CDH18: variants seen among roughly 807,000 people sequenced by gnomAD.
The protein encoded by CDH18 is cadherin 18, also known as cadherin-18.
Under a neutral mutation model 67.9 loss-of-function variants are expected in CDH18, and 31 were observed. That is an observed-to-expected ratio of 0.46 (90% CI 0.34 to 0.62). The LOEUF is 0.62. Among genes scored for constraint, CDH18 ranks in the 20% least tolerant of loss-of-function variants. The probability of loss-of-function intolerance (pLI) is 0.01; values close to 1 mark genes in which losing one functional copy is unlikely to be tolerated. For synonymous variants in CDH18, 362 were observed against 347.2 expected (o/e 1.04, Z -0.48); for missense variants, 890 against 975.5 (o/e 0.91, Z 1.17).
intron 1 of CDH18, among the ~76,000 whole-genome samples, chr5:20,424,549 C>T (rs1032479715): frequency 8.7e-5 from 13 of 149,376 alleles, no homozygotes; most frequent in African/African-American, 3.0e-4. Context: ...GTCAGGAGTT[C>T]GAGACCAGCC....
chr5:19,841,981 T>C (rs527618875), intron 2 of CDH18, among the ~76,000 whole-genome samples: 33 of 152,358 alleles, frequency 2.2e-4, no homozygotes, highest in Non-Finnish European at 2.1e-4. Flanking sequence ...TTATTTACTA[T>C]ATAATAAGAG....
intron 2 of CDH18, among the ~76,000 whole-genome samples, chr5:20,189,313 C>A (rs1192887131): frequency 6.6e-6 from 1 of 151,952 alleles, no homozygotes; most frequent in Non-Finnish European, 1.5e-5. Context: ...TTTACAGCAA[C>A]AATTTAGATG....
In CDH18 at chr5:19,666,237, T is replaced by TTTATTATTATTA. The variant is rs70950082; in HGVS notation, c.644-53648_644-53637dup. Among the ~76,000 whole-genome samples the TTTATTATTATTA allele has an allele frequency of 2.5e-3, 325 of 128,150 alleles. 3 individuals carry two copies. The highest frequency in any genetic ancestry group is 3.9e-3 in the Middle Eastern group (1 of 256). The allele number at this position is 128,150 out of a possible 152,430, so 84.1% of individuals were successfully genotyped here. The stretch of plus-strand genomic sequence containing the variant: ...GTCATGTCCCCACGCCTGTATGATT[T>TTTATTATTATTA]TTATTATTATTATTATTATTATTAT... On this transcript the variant is annotated intron_variant, in intron 5 of 12. Coordinates refer to ENST00000382275, the MANE Select transcript of CDH18 (RefSeq NM_004934.5).
chr5:20,424,206 G>A (rs1172426902), intron 1 of CDH18, among the ~76,000 whole-genome samples: 2 of 150,594 alleles, frequency 1.3e-5, no homozygotes, highest in African/African-American at 5.0e-5. Context: ...AGTATCCTCT[G>A]CTAAGACAAA....
At chr5:19,533,876 A>G (rs538640279) in intron 9 of CDH18, among the ~76,000 whole-genome samples, 1 of 152,320 alleles carries the variant, frequency 6.6e-6, no homozygotes, top group Admixed American at 6.5e-5. Flanking sequence ...GATACAATAC[A>G]TGTAAAGAAA....
chr5:19,943,703 G>A (rs138421039), intron 2 of CDH18, among the ~76,000 whole-genome samples: 3 of 151,904 alleles, frequency 2.0e-5, no homozygotes, highest in East Asian at 1.9e-4. Context: ...AAAAACACTC[G>A]AATATCCTGA....
intron 1 of CDH18, among the ~76,000 whole-genome samples, chr5:20,464,853 A>T (rs1372415520): frequency 2.0e-5 from 3 of 152,160 alleles, no homozygotes; most frequent in African/African-American, 7.2e-5. Context: ...TAGGAACAAG[A>T]AAAACTTGCC....
chr5:20,037,921 A>G (rs1374198947), intron 2 of CDH18, among the ~76,000 whole-genome samples: 2 of 151,934 alleles, frequency 1.3e-5, no homozygotes, highest in Non-Finnish European at 2.9e-5. Flanking sequence ...AGGAGCTAGT[A>G]TTTTGAAAAG....
At chr5:20,244,046 T>C (rs940066474) in intron 2 of CDH18, among the ~76,000 whole-genome samples, 4 of 152,256 alleles carry the variant, frequency 2.6e-5, no homozygotes, top group Middle Eastern at 3.4e-3. Flanking sequence ...GATTGAAATA[T>C]TGAGTATTAC....
At chr5:20,381,935 TA>T (rs1562019003) in intron 1 of CDH18, among the ~76,000 whole-genome samples, 1 of 152,094 alleles carries the variant, frequency 6.6e-6, no homozygotes. Context: ...ATATAATAAT[TA>T]AAAATGAAAG....
At chr5:19,898,213 A>G (rs2150104303) in intron 2 of CDH18, among the ~76,000 whole-genome samples, 1 of 152,126 alleles carries the variant, frequency 6.6e-6, no homozygotes, top group Non-Finnish European at 1.5e-5. Context: ...AATATCCAAG[A>G]GTATGCCATA....
intron 1 of CDH18, among the ~76,000 whole-genome samples, chr5:20,500,695 C>T (rs1754200693): frequency 6.6e-6 from 1 of 152,140 alleles, no homozygotes; most frequent in Non-Finnish European, 1.5e-5. Flanking sequence ...ACTGACTGTA[C>T]TGAAACAATG....
chr5:20,294,826 CAT>C (rs1427286481), intron 1 of CDH18, among the ~76,000 whole-genome samples: 1 of 151,934 alleles, frequency 6.6e-6, no homozygotes, highest in African/African-American at 2.4e-5. Flanking sequence ...TATTTTCCTA[CAT>C]ATATATATAC....
At chr5:20,167,680 G>A (rs1736398440) in intron 2 of CDH18, among the ~76,000 whole-genome samples, 1 of 152,118 alleles carries the variant, frequency 6.6e-6, no homozygotes, top group African/African-American at 2.4e-5. Flanking sequence ...ATGTGAATGT[G>A]CAGTGAATAG....
At chr5:19,720,167 T>C (rs954625057) in intron 5 of CDH18, among the ~76,000 whole-genome samples, 1 of 152,148 alleles carries the variant, frequency 6.6e-6, no homozygotes, top group African/African-American at 2.4e-5. Context: ...GTGCCTCACA[T>C]AACACATTGG....
intron 6 of CDH18, among the ~76,000 whole-genome samples, chr5:19,594,446 C>T (rs1041326016): frequency 2.0e-5 from 3 of 152,082 alleles, no homozygotes; most frequent in African/African-American, 4.8e-5. Flanking sequence ...CCACTTCGCC[C>T]GGCCTGTTTT....
chr5:20,218,538 G>T (rs938232654), intron 2 of CDH18, among the ~76,000 whole-genome samples: 1 of 151,976 alleles, frequency 6.6e-6, no homozygotes, highest in African/African-American at 2.4e-5. Context: ...CTTTTGCTGT[G>T]TGTCCCCACC....
chr5:19,719,174 TA>T (rs1765700385), intron 5 of CDH18, among the ~76,000 whole-genome samples: 2 of 152,190 alleles, frequency 1.3e-5, no homozygotes, highest in South Asian at 4.1e-4. Flanking sequence ...ATAACTTTTT[TA>T]AACAATTTTA....
At chr5:20,032,702 G>A (rs1739509818) in intron 2 of CDH18, among the ~76,000 whole-genome samples, 3 of 151,880 alleles carry the variant, frequency 2.0e-5, no homozygotes, top group Non-Finnish European at 2.9e-5. Context: ...TAAACTTGAC[G>A]ATCTAGTTTG....
Sources: allele counts gnomAD v4.1 joint callset (sites outside exome capture counted in the v4.1 genomes callset), GRCh38; gene constraint gnomAD v4.1.1; transcripts MANE v1.5; gene names NCBI Gene and HGNC (gene_info 2026-07-23, HGNC 2026-07-21).